The following OR3A2 variants were observed in gnomAD, a reference collection of about 807,000 sequenced individuals.
The protein encoded by OR3A2 is olfactory receptor 3A2.
For synonymous variants in OR3A2, 126 were observed against 159.3 expected (o/e 0.79, Z 1.57); for missense variants, 318 against 392.8 (o/e 0.81, Z 1.61).
chr17:3,332,093 C>G (rs1240169066), intron 3 of OR3A2, among the ~76,000 whole-genome samples: 1 of 152,134 alleles, frequency 6.6e-6, no homozygotes, highest in Non-Finnish European at 1.5e-5. Flanking sequence ...CAGCTGTGTG[C>G]TGGGAGAACC....
chr17:3,291,868 T>C (rs2048872420), intron 3 of OR3A2: 1 of 1,614,104 alleles, frequency 6.2e-7, no homozygotes, highest in African/African-American at 1.3e-5. Flanking sequence ...GAGAAGGCTT[T>C]CTTCCTGCCC....
chr17:3,295,903 G>C (rs951158807), intron 3 of OR3A2, among the ~76,000 whole-genome samples: 18 of 152,088 alleles, frequency 1.2e-4, no homozygotes, highest in Non-Finnish European at 1.6e-4. Flanking sequence ...GCATTGATAC[G>C]TAAAGCAAAA....
chr17:3,311,416 C>T lies in OR3A2; in HGVS notation c.-85+24617G>A, dbSNP rs1308088491. The T allele has an allele frequency of 2.7e-5, 13 of 486,536 alleles. No homozygotes were observed. In the East Asian group the frequency reaches 6.2e-4, roughly 23 times the overall value. 30.1% of individuals were successfully genotyped at this position (486,536 alleles called of 1,614,324 possible). ...CAGCACTCGCATGAGCTGTGAAGTC[C>T]AGGGTGCCCTGGTGGGAATTTGCTG... On this transcript the variant is annotated intron_variant, in intron 3 of 4. Transcript: ENST00000573491. The surrounding 1 kb of genome is among the most constrained non-coding windows in gnomAD (Gnocchi z 4.6).
At chr17:3,344,513 TC>T (rs1337864744) in intron 2 of OR3A2, among the ~76,000 whole-genome samples, 4 of 152,140 alleles carry the variant, frequency 2.6e-5, no homozygotes. Context: ...TCCCTTCTCT[TC>T]TGGGAGTTCT....
At chr17:3,366,849 G>C (rs2150662056) in intron 2 of OR3A2, among the ~76,000 whole-genome samples, 1 of 152,216 alleles carries the variant, frequency 6.6e-6, no homozygotes, top group African/African-American at 2.4e-5. Flanking sequence ...CCCTCCAGAG[G>C]CATACAGTGT....
rs570932410 is a variant in OR3A2, at chr17:3,324,549, C to T, written c.-85+11484G>A. Among the ~76,000 whole-genome samples, 141 of 152,166 alleles carry T rather than the reference C, an allele frequency of 9.3e-4. 1 individual carries two copies. Among genetic ancestry groups the T allele is most frequent in the Non-Finnish European group, 1.6e-3 (107 of 68,018 alleles). ...CAGATGGGTTTTTGGTGCGGATGTCCTTCCTGTTTGTTAGTTTTCCTTCTA... is the reference window on the plus strand; with the variant it reads ...CAGATGGGTTTTTGGTGCGGATGTCTTTCCTGTTTGTTAGTTTTCCTTCTA... On this transcript the variant is annotated intron_variant, in intron 3 of 4. Transcript: ENST00000573491.
rs1246988406 is a variant in OR3A2 at position 3,375,057 on chromosome 17, G to GTTCATCT, written c.-179+8740_-179+8746dup. On this transcript the variant is annotated intron_variant, in intron 2 of 4. Transcript: ENST00000573491. ...TTTTTTTTAATTTCCTTAAGTTGGT[G>GTTCATCT]TTCATCTTTCTCTGGTACTTCATTG... 3.7e-5 allele frequency among the ~76,000 whole-genome samples: 5 copies of GTTCATCT among 135,570 alleles called. No homozygotes were observed. In the Admixed American group the frequency reaches 3.8e-4, roughly 10 times the overall value. 88.9% of individuals were successfully genotyped at this position (135,570 alleles called of 152,430 possible). A position where few individuals can be genotyped will look rare whatever the true frequency, so the allele number is the denominator to read the frequency against.
intron 2 of OR3A2, among the ~76,000 whole-genome samples, chr17:3,340,167 A>G (rs1179001923): frequency 6.7e-6 from 1 of 150,252 alleles, no homozygotes; most frequent in Admixed American, 6.6e-5. Flanking sequence ...CTCTCTTCTT[A>G]TTAGTCTTGC....
chr17:3,292,398 A>G (rs1209083864), intron 3 of OR3A2: 5 of 1,614,010 alleles, frequency 3.1e-6, no homozygotes, highest in Non-Finnish European at 4.2e-6. Flanking sequence ...GAAGAAGTAC[A>G]TGGGGGTGTG....
upstream of OR3A2, among the ~76,000 whole-genome samples, chr17:3,287,804 T>G (rs2048827130): frequency 6.6e-6 from 1 of 151,956 alleles, no homozygotes; most frequent in Non-Finnish European, 1.5e-5. Context: ...TTACTTTTGC[T>G]GAATTTATGT....
chr17:3,288,326 T>C (rs999501178), upstream of OR3A2, among the ~76,000 whole-genome samples: 4 of 149,540 alleles, frequency 2.7e-5, no homozygotes, highest in African/African-American at 9.9e-5. Flanking sequence ...AATACAGTTA[T>C]GAGCTGTATA....
intron 3 of OR3A2, among the ~76,000 whole-genome samples, chr17:3,325,389 T>C (rs1268480694): frequency 2.0e-5 from 3 of 151,864 alleles, no homozygotes; most frequent in Non-Finnish European, 4.4e-5. Flanking sequence ...TTTATACTTT[T>C]AGTAGAGATG....
chr17:3,310,514 C>T (rs768146932), intron 3 of OR3A2: 7 of 535,714 alleles, frequency 1.3e-5, no homozygotes, highest in Non-Finnish European at 2.7e-5. Context: ...TCCTGGGGAA[C>T]TTGTCCCTGC....
At chr17:3,356,227 A>G (rs1311001970) in intron 2 of OR3A2, among the ~76,000 whole-genome samples, 1 of 151,296 alleles carries the variant, frequency 6.6e-6, no homozygotes, top group African/African-American at 2.4e-5. Flanking sequence ...ATTATTTTTT[A>G]TTGGTTCATC....
intron 3 of OR3A2, among the ~76,000 whole-genome samples, chr17:3,330,399 T>C (rs1209486202): frequency 6.6e-6 from 1 of 150,650 alleles, no homozygotes; most frequent in Non-Finnish European, 1.5e-5. Flanking sequence ...GGTGCTCCTG[T>C]ATTGGGTACA....
chr17:3,305,270 CAG>C (rs10599490), intron 3 of OR3A2, among the ~76,000 whole-genome samples: 25,210 of 152,042 alleles, frequency 0.17, 2,969 homozygotes, highest in African/African-American at 0.33. Flanking sequence ...TCACAGTTGA[CAG>C]AGTTAAAATA....
At chr17:3,315,051 T>A (rs1010991803) in intron 3 of OR3A2, among the ~76,000 whole-genome samples, 1 of 152,216 alleles carries the variant, frequency 6.6e-6, no homozygotes, top group African/African-American at 2.4e-5. Context: ...TATTCCATAG[T>A]GTATATGTAC....
intron 1 of OR3A2, 36 bp downstream of exon 4, chr17:3,279,040 A>T: frequency 1.3e-5 from 19 of 1,511,368 alleles, no homozygotes; most frequent in Non-Finnish European, 1.6e-5. Context: ...GCCATCCCTC[A>T]CTCGTTGACC....
At chr17:3,357,939 C>A (rs1345485613) in intron 2 of OR3A2, among the ~76,000 whole-genome samples, 1 of 151,516 alleles carries the variant, frequency 6.6e-6, no homozygotes, top group African/African-American at 2.4e-5. Context: ...GCTAGTGAGG[C>A]CTTGCCTGGC....
Sources: gnomAD v4.1 joint callset for allele counts (sites outside exome capture counted in the v4.1 genomes callset) on GRCh38, gnomAD v4.1.1 for gene constraint, Gnocchi (gnomAD v3.1) non-coding constraint, MANE v1.5 for transcripts, NCBI Gene and HGNC (gene_info 2026-07-23, HGNC 2026-07-21) for gene names.